Variants in SMARCC1 observed in about 807,000 individuals in gnomAD.
SMARCC1 encodes SWI/SNF complex subunit SMARCC1.
In SMARCC1, 43 loss-of-function variants were observed where a neutral mutation model predicts 147.4. The ratio of observed to expected loss-of-function variants is 0.29; its 90% confidence interval spans 0.23 to 0.38. SMARCC1 has a LOEUF of 0.38. Among genes scored for constraint, SMARCC1 ranks in the 10% least tolerant of loss-of-function variants. The pLI, the probability that SMARCC1 is intolerant of heterozygous loss-of-function variation, is 1.00. For missense variants in SMARCC1, 1,119 were observed against 1,381.1 expected, an observed-to-expected ratio of 0.81 and a Z score of 3.01; for synonymous variants, 495 against 484.4, an observed-to-expected ratio of 1.02 and a Z score of -0.29.
At position 47,631,310 on chromosome 3, in the gene SMARCC1, G is replaced by A. The variant is rs575661279; in HGVS notation, c.2646+3880C>T. Among the ~76,000 whole-genome samples the A allele has an allele frequency of 4.7e-4, 72 of 152,290 alleles. 1 individual carries two copies. Among genetic ancestry groups the A allele is most frequent in the Non-Finnish European group, 9.3e-4 (63 of 68,024 alleles). On this transcript the variant is annotated intron_variant, in intron 24 of 27. Transcript: ENST00000254480. ...ACCTACTTTTGCCATTTTGGAAAACGTATATATGAGGTGGTTTGTAGAATA... is the reference window on the plus strand; with the variant it reads ...ACCTACTTTTGCCATTTTGGAAAACATATATATGAGGTGGTTTGTAGAATA...
At chr3:47,676,010 A>AT (rs2106755445) in intron 17 of SMARCC1, among the ~76,000 whole-genome samples, 1 of 152,282 alleles carries the variant, frequency 6.6e-6, no homozygotes, top group East Asian at 1.9e-4. Context: ...ACAAAAAACA[A>AT]TAAATACCCA....
At chr3:47,598,710 G>T (rs2032337589) in intron 26 of SMARCC1, among the ~76,000 whole-genome samples, 1 of 151,640 alleles carries the variant, frequency 6.6e-6, no homozygotes, top group Non-Finnish European at 1.5e-5. Flanking sequence ...TATGCCTGTG[G>T]TCACAGCTAC....
intron 7 of SMARCC1, among the ~76,000 whole-genome samples, chr3:47,716,458 C>T (rs1370561379): frequency 6.7e-6 from 1 of 150,306 alleles, no homozygotes; most frequent in Admixed American, 6.7e-5. Flanking sequence ...TATACTCTTC[C>T]AGTCTTGATT....
At chr3:47,671,095 G>A (rs1576405914) in intron 18 of SMARCC1, among the ~76,000 whole-genome samples, 1 of 143,692 alleles carries the variant, frequency 7.0e-6, no homozygotes, top group African/African-American at 2.6e-5. Context: ...TGAGGCAAGA[G>A]AACCCAGGAG....
chr3:47,630,105 T>A (rs532367737), intron 24 of SMARCC1, among the ~76,000 whole-genome samples: 43 of 137,844 alleles, frequency 3.1e-4, no homozygotes, highest in African/African-American at 1.2e-3. Context: ...CCCAGCCTTT[T>A]TGGCAGCAGG....
chr3:47,679,361 C>T (rs1301171175), intron 15 of SMARCC1, among the ~76,000 whole-genome samples: 1 of 152,072 alleles, frequency 6.6e-6, no homozygotes, highest in South Asian at 2.1e-4. Flanking sequence ...AAAGTACTTC[C>T]GGCCAAACTT....
intron 15 of SMARCC1, among the ~76,000 whole-genome samples, chr3:47,679,007 A>G (rs917654501): frequency 2.6e-5 from 4 of 152,214 alleles, no homozygotes; most frequent in Admixed American, 2.6e-4. Flanking sequence ...CAAATTCAGA[A>G]AAGAACATAC....
Position 47,635,266 on chromosome 3 carries a change from A to G in SMARCC1, c.2570T>C (p.Val857Ala). The change falls in exon 24 of 28, where the codon GTA (valine) becomes GCA (alanine). Residue 857 changes from valine (V) to alanine (A), a missense_variant. Physicochemically the swap from Val to Ala is moderately conservative, Grantham distance 64 (BLOSUM62 0). Transcript: ENST00000254480. ...ERESDTGKKK[V>A]EHEISEGNVA... ...ATTTCCTTCGGAAATTTCATGTTCT[A>G]CTTTCTTCTTCCCAGTATCACTTTC... 3 of 1,613,358 alleles carry G rather than the reference A, an allele frequency of 1.9e-6. No individual in the cohort carries two copies. Among genetic ancestry groups the G allele is most frequent in the Non-Finnish European group, 1.7e-6 (2 of 1,179,584 alleles).
chr3:47,696,978 A>T (rs2033860489), intron 11 of SMARCC1, among the ~76,000 whole-genome samples: 1 of 152,174 alleles, frequency 6.6e-6, no homozygotes, highest in Non-Finnish European at 1.5e-5. Flanking sequence ...CCTCTCACTG[A>T]ATAGCTAGGA....
Position 47,731,902 on chromosome 3 carries a change from T to A in SMARCC1, c.577-2808A>T, listed in dbSNP as rs76414116. Among the ~76,000 whole-genome samples the A allele has an allele frequency of 4.0e-3, 605 of 152,334 alleles. 4 individuals carry two copies. The highest frequency in any genetic ancestry group is 0.013 in the African/African-American group (549 of 41,590). On this transcript the variant is annotated intron_variant, in intron 5 of 27. Transcript: ENST00000254480. ...TGACTGTCAGAATGGCAAACGACCA[T>A]TGGCTTCAACTTACAGTCACCAACT...
rs1281065492 is a variant in SMARCC1, at chr3:47,781,710, C to G, written c.88G>C (p.Val30Leu). ...GIAAAAAGLA[V>L]YRRKDGGPAT... ...GGGCCCCCATCCTTCCGTCGATAAA[C>G]AGCTAGGCCTGCGGCTGCCGCCGCA... is the stretch of plus-strand genomic sequence containing the variant. Residue 30 changes from valine to leucine, a missense_variant, in exon 1 of 28, where the codon GTT (valine) becomes CTT (leucine). Physicochemically the swap from Val to Leu is conservative, Grantham distance 32. Transcript: ENST00000254480. 6.4e-7 allele frequency: 1 copy of G among 1,561,194 alleles called. No homozygotes were observed. The highest frequency in any genetic ancestry group is 1.2e-5 in the South Asian group (1 of 86,102).
intron 2 of SMARCC1, among the ~76,000 whole-genome samples, chr3:47,769,586 G>C (rs1576437216): frequency 6.6e-6 from 1 of 151,952 alleles, no homozygotes; most frequent in East Asian, 1.9e-4. Context: ...CCCCCACTTA[G>C]CTGAAGAACT....
intron 14 of SMARCC1, 89 bp from the exon 15 acceptor site, chr3:47,680,597 G>A (rs2033631962): frequency 1.4e-6 from 1 of 726,154 alleles, no homozygotes. Flanking sequence ...GCCCAGGCTG[G>A]AGTGCAGTGG....
At chr3:47,682,245 A>G (rs2033653598) in intron 14 of SMARCC1, among the ~76,000 whole-genome samples, 1 of 149,686 alleles carries the variant, frequency 6.7e-6, no homozygotes, top group Non-Finnish European at 1.5e-5. Flanking sequence ...CAGTGAGCCG[A>G]TATCGCGCCA....
chr3:47,599,932 G>A (rs1160398845), intron 26 of SMARCC1, among the ~76,000 whole-genome samples: 2 of 152,106 alleles, frequency 1.3e-5, no homozygotes, highest in Non-Finnish European at 2.9e-5. Context: ...TTGCTCTTAG[G>A]CCCAGTAGTA....
At chr3:47,663,996 G>A in intron 19 of SMARCC1, 1 of 940,514 alleles carries the variant, frequency 1.1e-6, no homozygotes, top group Non-Finnish European at 1.6e-6. Context: ...GCAAGCACTG[G>A]CCCTACCATG....
chr3:47,691,291 G>A (rs942856741), intron 12 of SMARCC1, among the ~76,000 whole-genome samples: 2 of 152,166 alleles, frequency 1.3e-5, no homozygotes, highest in African/African-American at 4.8e-5. Context: ...TGATGAGGTA[G>A]CATATAAGGC....
At chr3:47,697,612 C>T (rs577417084) in intron 11 of SMARCC1, among the ~76,000 whole-genome samples, 2 of 148,054 alleles carry the variant, frequency 1.4e-5, no homozygotes, top group South Asian at 2.2e-4. Context: ...TTGACCCTGA[C>T]TCTTAAGGGA....
chr3:47,696,043 G>A, intron 11 of SMARCC1, among the ~76,000 whole-genome samples: 1 of 139,404 alleles, frequency 7.2e-6, no homozygotes, highest in African/African-American at 2.6e-5. Flanking sequence ...CTCCAGCCTG[G>A]GTGACTGAGC....
Sources: allele counts gnomAD v4.1 joint callset (sites outside exome capture counted in the v4.1 genomes callset), GRCh38; gene constraint gnomAD v4.1.1; transcripts MANE v1.5; gene names NCBI Gene and HGNC (gene_info 2026-07-23, HGNC 2026-07-21).